The following AAMDC variants were observed in gnomAD, a reference collection of about 807,000 sequenced individuals.
The protein encoded by AAMDC is mth938 domain-containing protein.
A neutral mutation model predicts 15.5 loss-of-function variants in AAMDC; 16 were observed. The observed-to-expected ratio is 1.03, with a 90% CI of 0.70 to 1.57. AAMDC has a LOEUF of 1.57. Ranked by LOEUF, AAMDC falls within the 40% of genes most tolerant of loss-of-function variation. The probability of loss-of-function intolerance (pLI) is 0.00; values close to 1 mark genes in which losing one functional copy is unlikely to be tolerated. For missense variants in AAMDC, 141 were observed against 144.9 expected (o/e 0.97, Z 0.14); for synonymous variants, 51 against 51.6 (o/e 0.99, Z 0.05).
At chr11:77,867,078 TA>T (rs1951152155) in intron 2 of AAMDC, among the ~76,000 whole-genome samples, 1 of 152,152 alleles carries the variant, frequency 6.6e-6, no homozygotes, top group Non-Finnish European at 1.5e-5. Flanking sequence ...TGACCTCAGG[TA>T]ATCCTCCCTC....
chr11:77,895,358 T>C (rs980741582), intron 5 of AAMDC, among the ~76,000 whole-genome samples: 1 of 152,056 alleles, frequency 6.6e-6, no homozygotes, highest in African/African-American at 2.4e-5. Flanking sequence ...AGGTTTAGTC[T>C]TTTTATTAAA....
intron 2 of AAMDC, among the ~76,000 whole-genome samples, chr11:77,859,477 C>T (rs1406687315): frequency 1.3e-5 from 2 of 152,200 alleles, no homozygotes; most frequent in South Asian, 2.1e-4. Flanking sequence ...GCTGCATGGG[C>T]ATGGAGGACT....
chr11:77,840,026 G>A (rs1949860846), intron 1 of AAMDC, among the ~76,000 whole-genome samples: 1 of 151,834 alleles, frequency 6.6e-6, no homozygotes, highest in Admixed American at 6.6e-5. Context: ...AAGCAAAAAA[G>A]CAAAATAAAG....
At chr11:77,840,839 C>T (rs147191916) in intron 1 of AAMDC, among the ~76,000 whole-genome samples, 38 of 152,176 alleles carry the variant, frequency 2.5e-4, no homozygotes, top group African/African-American at 7.0e-4. Flanking sequence ...TCCAGCCTGG[C>T]GAAACAACTT....
intron 5 of AAMDC, among the ~76,000 whole-genome samples, chr11:77,889,590 G>C (rs905805621): frequency 1.3e-5 from 2 of 152,034 alleles, no homozygotes; most frequent in African/African-American, 4.8e-5. Flanking sequence ...AGTTCTGCAG[G>C]GTTTGCTTTA....
chr11:77,831,694 CTT>C (rs532912432), intron 1 of AAMDC, among the ~76,000 whole-genome samples: 46 of 135,972 alleles, frequency 3.4e-4, no homozygotes, highest in Non-Finnish European at 6.3e-4. Context: ...ACTTAGGTAT[CTT>C]TTTTTTTTTT....
intron 5 of AAMDC, among the ~76,000 whole-genome samples, chr11:77,892,433 A>G (rs1433052266): frequency 6.6e-6 from 1 of 152,214 alleles, no homozygotes; most frequent in Non-Finnish European, 1.5e-5. Flanking sequence ...AGGATGAATT[A>G]AGAACATCAG....
At chr11:77,823,934 T>G (rs1949055638) in intron 1 of AAMDC, among the ~76,000 whole-genome samples, 1 of 152,076 alleles carries the variant, frequency 6.6e-6, no homozygotes, top group South Asian at 2.1e-4. Flanking sequence ...AAAAAAAGCT[T>G]TATTACTATA....
intron 2 of AAMDC, among the ~76,000 whole-genome samples, chr11:77,862,046 T>C (rs1217257875): frequency 6.6e-6 from 1 of 152,202 alleles, no homozygotes; most frequent in Non-Finnish European, 1.5e-5. Flanking sequence ...CCCTGTGTTA[T>C]AGTGGACATA....
chr11:77,878,763 A>C (rs1411003878), intron 5 of AAMDC: 2 of 694,636 alleles, frequency 2.9e-6, no homozygotes, highest in East Asian at 2.7e-5. Flanking sequence ...AAGGGTAAGT[A>C]GACTTGAAGG....
At chr11:77,889,987 G>A (rs1006420188) in intron 5 of AAMDC, among the ~76,000 whole-genome samples, 7 of 152,130 alleles carry the variant, frequency 4.6e-5, no homozygotes, top group Admixed American at 1.3e-4. Context: ...CACTGACTAC[G>A]TATTAGAATC....
intron 2 of AAMDC, among the ~76,000 whole-genome samples, chr11:77,865,029 CCTT>C (rs540725004): frequency 8.8e-4 from 134 of 152,274 alleles, no homozygotes; most frequent in Admixed American, 4.5e-3. Flanking sequence ...CTTACTCTCT[CCTT>C]CTCTGGACCC....
At chr11:77,896,197 G>A (rs533156490) in intron 5 of AAMDC, among the ~76,000 whole-genome samples, 17 of 151,832 alleles carry the variant, frequency 1.1e-4, no homozygotes, top group Non-Finnish European at 1.5e-4. Context: ...TACAGAAACA[G>A]CAGATGACAA....
intron 2 of AAMDC, 47 bp from the exon 3 acceptor site, chr11:77,869,675 G>C: frequency 6.4e-7 from 1 of 1,553,154 alleles, no homozygotes; most frequent in Non-Finnish European, 8.9e-7. Context: ...CTATTGCAAT[G>C]AAAGATTGAG....
At chr11:77,875,662 T>C (rs1311901778), downstream of AAMDC, among the ~76,000 whole-genome samples, 1 of 152,184 alleles carries the variant, frequency 6.6e-6, no homozygotes, top group Non-Finnish European at 1.5e-5. Flanking sequence ...TGCAATGCCA[T>C]ATTAATAAAT....
intron 1 of AAMDC, among the ~76,000 whole-genome samples, chr11:77,832,874 T>A (rs772261885): frequency 6.6e-6 from 1 of 151,534 alleles, no homozygotes; most frequent in Non-Finnish European, 1.5e-5. Flanking sequence ...AGACAGTTTT[T>A]CCACAGACCA....
At chr11:77,889,138 C>A (rs979840159) in intron 5 of AAMDC, among the ~76,000 whole-genome samples, 3 of 152,170 alleles carry the variant, frequency 2.0e-5, no homozygotes, top group Admixed American at 6.5e-5. Context: ...ATGTTTATTG[C>A]GGCACCACTC....
At chr11:77,847,473 G>A (rs543431502) in intron 2 of AAMDC, among the ~76,000 whole-genome samples, 2 of 152,270 alleles carry the variant, frequency 1.3e-5, no homozygotes, top group South Asian at 4.1e-4. Context: ...TGCACTCATT[G>A]ATGATTGTGA....
chr11:77,840,971 A>G (rs1949907653), intron 1 of AAMDC: 4 of 499,460 alleles, frequency 8.0e-6, no homozygotes, highest in Non-Finnish European at 1.4e-5. Flanking sequence ...GAATACCTGA[A>G]ACTGGGTAAT....
Sources: allele counts gnomAD v4.1 joint callset (sites outside exome capture counted in the v4.1 genomes callset), GRCh38; gene constraint gnomAD v4.1.1; transcripts MANE v1.5; gene names NCBI Gene and HGNC (gene_info 2026-07-23, HGNC 2026-07-21).